CCSER1: variants seen among roughly 807,000 people sequenced by gnomAD.
CCSER1 encodes the protein serine-rich coiled-coil domain-containing protein 1.
CCSER1 carries 41 observed loss-of-function variants against 82.0 expected under a neutral mutation model. That is an observed-to-expected ratio of 0.50 (90% CI 0.39 to 0.65). CCSER1 has a LOEUF of 0.65. Among genes scored for constraint, CCSER1 ranks in the 30% least tolerant of loss-of-function variants. The pLI, the probability that CCSER1 is intolerant of heterozygous loss-of-function variation, is 0.00. For synonymous variants in CCSER1, 414 were observed against 383.9 expected (o/e 1.08, Z -0.92); for missense variants, 1,119 against 1,064.2 (o/e 1.05, Z -0.72).
At chr4:91,324,296 G>C (rs1275693438) in intron 10 of CCSER1, among the ~76,000 whole-genome samples, 1 of 151,910 alleles carries the variant, frequency 6.6e-6, no homozygotes. Flanking sequence ...TCAGTCTTTC[G>C]GGTCTATTTT....
intron 9 of CCSER1, among the ~76,000 whole-genome samples, chr4:91,039,777 G>GAT (rs1741799507): frequency 6.6e-6 from 1 of 151,582 alleles, no homozygotes. Context: ...CCACGTATGT[G>GAT]ATATATATAC....
At chr4:91,054,605 T>C (rs1047289860) in intron 9 of CCSER1, among the ~76,000 whole-genome samples, 1 of 152,058 alleles carries the variant, frequency 6.6e-6, no homozygotes, top group Non-Finnish European at 1.5e-5. Context: ...AACCTATTTG[T>C]GTTTTGGGAT....
At chr4:91,401,559 C>A (rs1752335049) in intron 10 of CCSER1, among the ~76,000 whole-genome samples, 1 of 151,982 alleles carries the variant, frequency 6.6e-6, no homozygotes, top group Non-Finnish European at 1.5e-5. Flanking sequence ...TCCCCCAACC[C>A]CATGACAGAC....
intron 1 of CCSER1, among the ~76,000 whole-genome samples, chr4:90,130,054 T>C (rs965231367): frequency 2.2e-4 from 33 of 152,360 alleles, no homozygotes; most frequent in African/African-American, 7.7e-4. Context: ...ATTTATACCA[T>C]AGAATGTTAA....
intron 6 of CCSER1, among the ~76,000 whole-genome samples, chr4:90,666,830 T>A (rs929354234): frequency 4.6e-5 from 7 of 151,976 alleles, no homozygotes; most frequent in African/African-American, 9.7e-5. Flanking sequence ...AGAGGAGGAA[T>A]CAGGGAAATG....
chr4:91,375,523 T>TA (rs1750348053), intron 10 of CCSER1, among the ~76,000 whole-genome samples: 2 of 151,290 alleles, frequency 1.3e-5, no homozygotes, highest in African/African-American at 4.9e-5. Flanking sequence ...TGTTGTCTTT[T>TA]TTTTTTTTTT....
chr4:90,209,216 A>G (rs1377029513), intron 1 of CCSER1, among the ~76,000 whole-genome samples: 1 of 152,166 alleles, frequency 6.6e-6, no homozygotes, highest in African/African-American at 2.4e-5. Flanking sequence ...AGATGGCGGT[A>G]TGGGTGTGGA....
intron 10 of CCSER1, among the ~76,000 whole-genome samples, chr4:91,086,702 G>GA (rs1269403007): frequency 2.0e-5 from 3 of 151,922 alleles, no homozygotes; most frequent in African/African-American, 4.8e-5. Flanking sequence ...TACAAATGAG[G>GA]AAAAAAATCT....
intron 5 of CCSER1, among the ~76,000 whole-genome samples, chr4:90,480,869 T>C (rs1181788121): frequency 6.6e-6 from 1 of 152,188 alleles, no homozygotes; most frequent in Non-Finnish European, 1.5e-5. Flanking sequence ...GGGCTCTTTT[T>C]TGGTTCCATA....
intron 3 of CCSER1, among the ~76,000 whole-genome samples, chr4:90,396,318 G>C (rs1379714380): frequency 6.6e-6 from 1 of 151,978 alleles, no homozygotes; most frequent in African/African-American, 2.4e-5. Context: ...TTTTTTACCT[G>C]ATTCCTACAT....
chr4:91,113,669 C>T (rs1369762842), intron 10 of CCSER1, among the ~76,000 whole-genome samples: 1 of 152,104 alleles, frequency 6.6e-6, no homozygotes, highest in Non-Finnish European at 1.5e-5. Context: ...TATCTAGGCA[C>T]TCACACATAC....
chr4:90,487,052 C>T (rs1767214400), intron 5 of CCSER1, among the ~76,000 whole-genome samples: 1 of 152,114 alleles, frequency 6.6e-6, no homozygotes, highest in Admixed American at 6.5e-5. Context: ...GCTGGGATTA[C>T]AGGGGCCCAC....
intron 1 of CCSER1, among the ~76,000 whole-genome samples, chr4:90,168,354 C>A (rs1175166096): frequency 6.6e-6 from 1 of 151,896 alleles, no homozygotes; most frequent in Non-Finnish European, 1.5e-5. Flanking sequence ...TGTTTGAGTT[C>A]ATTGTAGATT....
chr4:90,531,677 A>C (rs564304641), intron 5 of CCSER1, among the ~76,000 whole-genome samples: 1 of 152,180 alleles, frequency 6.6e-6, no homozygotes, highest in Non-Finnish European at 1.5e-5. Flanking sequence ...TTACTTCAAA[A>C]TAGAGAGTTA....
At chr4:90,559,307 T>A (rs965224849) in intron 5 of CCSER1, among the ~76,000 whole-genome samples, 2 of 152,084 alleles carry the variant, frequency 1.3e-5, no homozygotes, top group Non-Finnish European at 2.9e-5. Context: ...TAGGAGTAAT[T>A]TGGGGATCAC....
intron 10 of CCSER1, among the ~76,000 whole-genome samples, chr4:91,106,848 A>C (rs1293152934): frequency 6.6e-6 from 1 of 152,334 alleles, no homozygotes; most frequent in East Asian, 1.9e-4. Flanking sequence ...GATGAATTAT[A>C]ACTTCTAATT....
intron 1 of CCSER1, among the ~76,000 whole-genome samples, chr4:90,200,337 A>C (rs2153404818): frequency 6.6e-6 from 1 of 152,304 alleles, no homozygotes; most frequent in African/African-American, 2.4e-5. Context: ...ATGGCTTACT[A>C]CATTATTTTT....
intron 10 of CCSER1, among the ~76,000 whole-genome samples, chr4:91,465,219 C>T (rs1210418116): frequency 2.0e-5 from 3 of 152,144 alleles, no homozygotes; most frequent in Admixed American, 6.5e-5. Context: ...AACCCCTCAA[C>T]AACATGGAAA....
At chr4:90,790,144 G>C (rs934568497) in intron 7 of CCSER1, among the ~76,000 whole-genome samples, 1 of 152,066 alleles carries the variant, frequency 6.6e-6, no homozygotes, top group African/African-American at 2.4e-5. Context: ...AATTATTTCT[G>C]TGTGAATTAT....
Sources: allele counts gnomAD v4.1 joint callset (sites outside exome capture counted in the v4.1 genomes callset), GRCh38; gene constraint gnomAD v4.1.1; transcripts MANE v1.5; gene names NCBI Gene and HGNC (gene_info 2026-07-23, HGNC 2026-07-21).